Variants in SCLY observed in about 807,000 individuals in gnomAD.
The protein encoded by SCLY is selenocysteine lyase, also known as putative selenocysteine lyase.
A neutral mutation model predicts 50.1 loss-of-function variants in SCLY; 38 were observed. The ratio of observed to expected loss-of-function variants is 0.76; its 90% CI spans 0.59 to 0.99. The LOEUF (loss-of-function observed/expected upper bound fraction) is 0.99. SCLY is among the 50% of genes least tolerant of loss of function. The pLI, the probability that SCLY is intolerant of heterozygous loss-of-function variation, is 0.00. For synonymous variants in SCLY, 243 were observed against 249.4 expected (o/e 0.97, Z 0.24); for missense variants, 600 against 620.0 (o/e 0.97, Z 0.34).
In SCLY at chr2:238,089,740, G is replaced by A. The variant is rs1027898924; in HGVS notation, c.885-1478G>A. 2.6e-5 allele frequency among the ~76,000 whole-genome samples: 4 copies of A among 151,090 alleles called. No homozygotes were observed. The Admixed American group carries it at 2.6e-4, about 10-fold the overall frequency. On this transcript the variant is annotated intron_variant, in intron 7 of 11. Transcript: ENST00000254663. ...TCCAGTGTGGCCTAGGGAAGCCAAA[G>A]CATTAGACACCCCTGTCTTACACCT...
At chr2:238,070,502 A>G (rs1483015345) in intron 4 of SCLY, among the ~76,000 whole-genome samples, 2 of 151,998 alleles carry the variant, frequency 1.3e-5, no homozygotes, top group African/African-American at 2.4e-5. Flanking sequence ...CAACATGGTG[A>G]AACCCCATCT....
intron 9 of SCLY, 24 bp downstream of exon 9, chr2:238,093,968 C>G (rs1468780533): frequency 6.2e-7 from 1 of 1,605,538 alleles, no homozygotes; most frequent in Non-Finnish European, 8.5e-7. Flanking sequence ...GGGGTGGGCA[C>G]CAGGAGGGGG....
chr2:238,064,024 C>T (rs192149677), intron 1 of SCLY, among the ~76,000 whole-genome samples: 31 of 152,302 alleles, frequency 2.0e-4, no homozygotes, highest in African/African-American at 6.0e-4. Context: ...GAGGTCATTC[C>T]GCCTCAGCCT....
chr2:238,098,723 T>C lies in SCLY; in HGVS notation c.*368T>C, dbSNP rs1057150001. The C allele has an allele frequency of 9.5e-5, 27 of 282,994 alleles. 1 individual carries two copies. Among genetic ancestry groups the C allele is most frequent in the Non-Finnish European group, 1.5e-4 (24 of 156,876 alleles). The allele number at this position is 282,994 out of a possible 1,614,324, so 17.5% of individuals were successfully genotyped here. A position where few individuals can be genotyped will look rare whatever the true frequency, so the allele number is the denominator to read the frequency against. ...TTTATCCACCCTCCCCACTGGGAACTGGGCACGCCTGTTGTGAGTGCCCTT... is the reference window on the plus strand; with the variant it reads ...TTTATCCACCCTCCCCACTGGGAACCGGGCACGCCTGTTGTGAGTGCCCTT... On this transcript the variant is annotated 3_prime_UTR_variant, in exon 12 of 12. Transcript: ENST00000254663.
At chr2:238,089,178 A>T (rs2065334455) in intron 7 of SCLY, among the ~76,000 whole-genome samples, 1 of 152,190 alleles carries the variant, frequency 6.6e-6, no homozygotes, top group African/African-American at 2.4e-5. Flanking sequence ...ATGAAACAAA[A>T]TTACTCAGAT....
At chr2:238,079,137 C>T (rs1387982244) in intron 4 of SCLY, 2 of 124,206 alleles carry the variant, frequency 1.6e-5, no homozygotes, top group South Asian at 2.6e-4. Flanking sequence ...TTTGGTGTCA[C>T]AATCACAACT....
Position 238,098,665 on chromosome 2 carries a change from C to CGCCCACATGGGACCGCCCACATGGGAA in SCLY, c.*310_*311insGCCCACATGGGACCGCCCACATGGGAA, listed in dbSNP as rs1691357387. The CGCCCACATGGGACCGCCCACATGGGAA allele has an allele frequency of 2.8e-6, 1 of 359,058 alleles. No homozygotes were observed. Among genetic ancestry groups the CGCCCACATGGGACCGCCCACATGGGAA allele is most frequent in the African/African-American group, 2.5e-5 (1 of 39,526 alleles). 22.2% of individuals were successfully genotyped at this position (359,058 alleles called of 1,614,324 possible). On this transcript the variant is annotated 3_prime_UTR_variant, in exon 12 of 12. Transcript: ENST00000254663. ...CCCACATGGGACCGCCCACATAGAA[C>CGCCCACATGGGACCGCCCACATGGGAA]CGTCCTCCAGTGGTGAAGCGGAAAC...
chr2:238,079,260 A>G (rs1185878919), intron 4 of SCLY: 4 of 151,486 alleles, frequency 2.6e-5, no homozygotes, highest in African/African-American at 9.7e-5. Context: ...TTTTGTGCAG[A>G]TAAGGTGTCC....
intron 4 of SCLY, among the ~76,000 whole-genome samples, chr2:238,071,873 C>A (rs888127253): frequency 3.3e-5 from 5 of 152,192 alleles, no homozygotes; most frequent in Non-Finnish European, 7.3e-5. Flanking sequence ...TCTTGTATAT[C>A]GGCTTTAATG....
chr2:238,079,253 TG>T (rs201774125), intron 4 of SCLY: 4,349 of 151,496 alleles, frequency 0.029, 75 homozygotes, highest in Middle Eastern at 0.056. Flanking sequence ...TTTTATTTTT[TG>T]TGCAGATAAG....
chr2:238,075,956 A>G (rs2065168552), intron 4 of SCLY, among the ~76,000 whole-genome samples: 1 of 151,986 alleles, frequency 6.6e-6, no homozygotes, highest in Admixed American at 6.6e-5. Context: ...AGTAGGATAT[A>G]AATAACTCCC....
chr2:238,072,914 G>A (rs2065140795), intron 4 of SCLY, among the ~76,000 whole-genome samples: 1 of 152,088 alleles, frequency 6.6e-6, no homozygotes, highest in African/African-American at 2.4e-5. Flanking sequence ...GTTGTTCCTT[G>A]TGTCATGTCT....
rs759623580 is a variant in SCLY at position 238,093,583 on chromosome 2, G to A, written c.922-278G>A. The A allele has an allele frequency of 3.5e-5, 16 of 457,180 alleles. 1 individual carries two copies. Among genetic ancestry groups the A allele is most frequent in the Admixed American group, 1.4e-4 (4 of 29,382 alleles). 28.3% of individuals were successfully genotyped at this position (457,180 alleles called of 1,614,324 possible). A position where few individuals can be genotyped will look rare whatever the true frequency, so the allele number is the denominator to read the frequency against. ...TTCCCCTCTTCCCCTGCTTTTGTCC[G>A]TCTGCCTCTCTGGGATGCTGGCTCC... is the stretch of plus-strand genomic sequence containing the variant. On this transcript the variant is annotated intron_variant, in intron 8 of 11. Transcript: ENST00000254663.
intron 4 of SCLY, among the ~76,000 whole-genome samples, chr2:238,076,451 A>G (rs2065174976): frequency 6.7e-6 from 1 of 148,686 alleles, no homozygotes; most frequent in Non-Finnish European, 1.5e-5. Context: ...GCACTGCTTT[A>G]ACTACATTCC....
chr2:238,072,577 A>G (rs902653419), intron 4 of SCLY, among the ~76,000 whole-genome samples: 1 of 152,176 alleles, frequency 6.6e-6, no homozygotes, highest in African/African-American at 2.4e-5. Flanking sequence ...TTGCCAGCCT[A>G]GTAGGTGTAA....
At chr2:238,091,353 G>A (rs963060139) in intron 8 of SCLY, 99 bp downstream of exon 8, 23 of 959,202 alleles carry the variant, frequency 2.4e-5, no homozygotes, top group Non-Finnish European at 3.8e-5. Flanking sequence ...GATCATATTC[G>A]TGATCTCATA....
At chr2:238,070,172 T>C (rs544474580) in intron 4 of SCLY, among the ~76,000 whole-genome samples, 3 of 152,080 alleles carry the variant, frequency 2.0e-5, no homozygotes, top group Admixed American at 6.5e-5. Flanking sequence ...CAAAAGGGAG[T>C]GACATGTTCA....
rs1432264359 is a variant in SCLY, at chr2:238,067,041, A to G, written c.203-1024A>G. Among the ~76,000 whole-genome samples, 1 of 152,180 alleles carries G rather than the reference A, an allele frequency of 6.6e-6. No individual in the cohort carries two copies. Among genetic ancestry groups the G allele is most frequent in the Non-Finnish European group, 1.5e-5 (1 of 68,028 alleles). On this transcript the variant is annotated intron_variant, in intron 2 of 11. Transcript: ENST00000254663. The surrounding 1 kb of genome is among the most constrained non-coding windows in gnomAD (Gnocchi z 4.3). Reference sequence around the variant, plus strand: ...TACCTCCCACCGGGTCCCTCTGATGACGTGGGAATTATGGGAGCTACAATT... The same window carrying G: ...TACCTCCCACCGGGTCCCTCTGATGGCGTGGGAATTATGGGAGCTACAATT...
chr2:238,091,528 A>ACCCCCG, intron 8 of SCLY: 1 of 466,994 alleles, frequency 2.1e-6, no homozygotes, highest in South Asian at 2.3e-5. Flanking sequence ...AGCAGAGGTG[A>ACCCCCG]AGTGTCAAGC....
Sources: allele counts gnomAD v4.1 joint callset (sites outside exome capture counted in the v4.1 genomes callset), GRCh38; gene constraint gnomAD v4.1.1; non-coding constraint Gnocchi (gnomAD v3.1); transcripts MANE v1.5; gene names NCBI Gene and HGNC (gene_info 2026-07-23, HGNC 2026-07-21).